Variants in LCORL observed in about 807,000 individuals in gnomAD.
LCORL encodes the protein ligand dependent nuclear receptor corepressor like.
Under a neutral mutation model 141.8 loss-of-function variants are expected in LCORL, and 41 were observed. The ratio of observed to expected loss-of-function variants is 0.29; its 90% CI spans 0.23 to 0.38. LCORL has a LOEUF of 0.38. Ranked by LOEUF, LCORL falls within the 10% of genes least tolerant of loss-of-function variation. The pLI, the probability that LCORL is intolerant of heterozygous loss-of-function variation, is 1.00. For synonymous variants in LCORL, 618 were observed against 694.1 expected (o/e 0.89, Z 1.72); for missense variants, 1,759 against 2,035.0 (o/e 0.86, Z 2.61).
intron 1 of LCORL, among the ~76,000 whole-genome samples, chr4:18,006,156 C>T (rs950435361): frequency 2.0e-5 from 3 of 152,152 alleles, no homozygotes; most frequent in Non-Finnish European, 4.4e-5. Context: ...CTGTCAAGTT[C>T]AAAGTTCCAC....
chr4:17,873,737 A>T (rs1306164714), exon 7 of LCORL: 2 of 1,233,848 alleles, frequency 1.6e-6, no homozygotes, highest in Admixed American at 8.4e-5. Context: ...TAGATTCAGG[A>T]GAGTAAATGA....
At chr4:17,844,456 A>ATC (rs1722730006) in exon 8 of LCORL, 1 of 152,444 alleles carries the variant, frequency 6.6e-6, no homozygotes, top group Non-Finnish European at 1.5e-5. Context: ...AGCTAAAGTA[A>ATC]GATCACTGGT....
intron 7 of LCORL, among the ~76,000 whole-genome samples, chr4:17,861,751 G>A (rs902905433): frequency 6.6e-6 from 1 of 152,144 alleles, no homozygotes; most frequent in Non-Finnish European, 1.5e-5. Flanking sequence ...CCTCTTGAAT[G>A]CTTTGCTGCT....
chr4:17,930,521 A>T (rs1290251950), intron 4 of LCORL, among the ~76,000 whole-genome samples: 1 of 152,238 alleles, frequency 6.6e-6, no homozygotes, highest in Non-Finnish European at 1.5e-5. Context: ...TGTGTTCTAC[A>T]TTTAAAAAAT....
intron 1 of LCORL, among the ~76,000 whole-genome samples, chr4:17,987,628 C>T (rs997520844): frequency 6.6e-6 from 1 of 152,018 alleles, no homozygotes; most frequent in African/African-American, 2.4e-5. Context: ...AAACTGCTTC[C>T]CAAAGTGGCT....
chr4:17,993,952 A>G (rs1720479933), intron 1 of LCORL, among the ~76,000 whole-genome samples: 1 of 152,338 alleles, frequency 6.6e-6, no homozygotes, highest in Non-Finnish European at 1.5e-5. Flanking sequence ...GAGAAGTTAA[A>G]AAGTTCTGGC....
Position 17,998,986 on chromosome 4 carries a change from ATATATATATATATATATACACACAT to A in LCORL, c.154+22587_154+22611del, listed in dbSNP as rs1337740407. 8.0e-3 allele frequency among the ~76,000 whole-genome samples: 395 copies of A among 49,610 alleles called. 4 individuals carry two copies. The highest frequency in any genetic ancestry group is 0.026 in the African/African-American group (371 of 14,116). 32.5% of individuals were successfully genotyped at this position (49,610 alleles called of 152,430 possible). On this transcript the variant is annotated intron_variant, in intron 1 of 7. Transcript: ENST00000635767. ...TCTCAAAAAAAAAAAAAAAAAAAAA[ATATATATATATATATATACACACAT>A]ATATATATATATATATATAGTATAG...
intron 5 of LCORL, among the ~76,000 whole-genome samples, chr4:17,891,740 A>G (rs1729110148): frequency 6.6e-6 from 1 of 152,230 alleles, no homozygotes; most frequent in Admixed American, 6.5e-5. Flanking sequence ...GATGATGTAA[A>G]TATGTTTTGC....
intron 4 of LCORL, among the ~76,000 whole-genome samples, chr4:17,931,110 C>T (rs1192979493): frequency 6.6e-6 from 1 of 152,020 alleles, no homozygotes; most frequent in Non-Finnish European, 1.5e-5. Context: ...AAAATAAAAT[C>T]TTATCATTTT....
intron 4 of LCORL, among the ~76,000 whole-genome samples, chr4:17,955,533 C>T (rs1712432054): frequency 6.6e-6 from 1 of 151,894 alleles, no homozygotes; most frequent in Admixed American, 6.6e-5. Flanking sequence ...TAACAATAAA[C>T]AGAATAAGTA....
intron 4 of LCORL, among the ~76,000 whole-genome samples, chr4:17,957,228 G>A (rs1215715536): frequency 6.6e-6 from 1 of 152,000 alleles, no homozygotes; most frequent in Non-Finnish European, 1.5e-5. Flanking sequence ...ATACTTTAAT[G>A]CCATGGCTTC....
exon 7 of LCORL, chr4:17,876,859 T>C: frequency 8.1e-7 from 1 of 1,230,796 alleles, no homozygotes; most frequent in East Asian, 3.2e-5. Context: ...AAAGACAAGT[T>C]AGTTTCTGAA....
intron 4 of LCORL, among the ~76,000 whole-genome samples, chr4:17,949,546 G>T (rs1739401865): frequency 6.6e-6 from 1 of 151,992 alleles, no homozygotes. Context: ...TTTAAATCAA[G>T]AACCCTGATA....
chr4:17,924,737 C>G (rs929510491), intron 4 of LCORL, among the ~76,000 whole-genome samples: 5 of 152,186 alleles, frequency 3.3e-5, no homozygotes, highest in Non-Finnish European at 7.4e-5. Context: ...GCAGTGGGCT[C>G]ATGCTCATGG....
chr4:17,863,827 C>T (rs974731542), intron 7 of LCORL, among the ~76,000 whole-genome samples: 6 of 152,134 alleles, frequency 3.9e-5, no homozygotes, highest in Admixed American at 2.6e-4. Context: ...AAAAGCAATG[C>T]GATCATGTCC....
intron 7 of LCORL, among the ~76,000 whole-genome samples, chr4:17,856,157 C>T (rs1303533781): frequency 6.6e-6 from 1 of 152,212 alleles, no homozygotes; most frequent in Non-Finnish European, 1.5e-5. Context: ...ATGAATGACA[C>T]ATTGATAATT....
chr4:17,854,175 T>C (rs1055854084), intron 7 of LCORL, among the ~76,000 whole-genome samples: 8 of 152,166 alleles, frequency 5.3e-5, no homozygotes, highest in African/African-American at 1.9e-4. Context: ...GTCCAATCAC[T>C]GGCCAGCTAA....
rs185238981 is a variant in LCORL at position 17,889,446 on chromosome 4, T to C, written c.683-3285A>G. The stretch of plus-strand genomic sequence containing the variant: ...TTTCTGTCACATTGCATTAAAATTC[T>C]TTTATCAATTAATGTCTACATAGTA... On this transcript the variant is annotated intron_variant, in intron 5 of 7. Coordinates refer to ENST00000635767, the Ensembl canonical transcript of LCORL. Among the ~76,000 whole-genome samples, 31 of 152,268 alleles carry C rather than the reference T, an allele frequency of 2.0e-4. 1 individual carries two copies. In the East Asian group the frequency reaches 6.0e-3, roughly 29 times the overall value.
intron 7 of LCORL, among the ~76,000 whole-genome samples, chr4:17,858,211 G>A (rs566337939): frequency 8.6e-5 from 13 of 151,392 alleles, no homozygotes; most frequent in East Asian, 7.8e-4. Context: ...TACCACTTAC[G>A]AAATAAAAAA....
Sources: gnomAD v4.1 joint callset for allele counts (sites outside exome capture counted in the v4.1 genomes callset) on GRCh38, gnomAD v4.1.1 for gene constraint, MANE v1.5 for transcripts, NCBI Gene and HGNC (gene_info 2026-07-23, HGNC 2026-07-21) for gene names.